SLC3A1: variants seen among roughly 807,000 people sequenced by gnomAD.
The protein encoded by SLC3A1 is amino acid transporter heavy chain SLC3A1.
SLC3A1 carries 78 observed loss-of-function variants against 60.3 expected under a neutral mutation model. The ratio of observed to expected loss-of-function variants is 1.29; its 90% CI spans 1.08 to 1.56. The LOEUF is 1.56. Ranked by LOEUF, SLC3A1 falls within the 40% of genes most tolerant of loss-of-function variation. The pLI is 0.00. For missense variants in SLC3A1, 1,172 were observed against 858.9 expected, an observed-to-expected ratio of 1.36 and a Z score of -4.56; for synonymous variants, 392 against 307.9, an observed-to-expected ratio of 1.27 and a Z score of -2.86.
In SLC3A1 at chr2:44,320,599, G is replaced by T. The variant is rs1453622040; in HGVS notation, c.2018G>T (p.Cys673Phe). The T allele has an allele frequency of 6.2e-7, 1 of 1,613,870 alleles. No individual in the cohort carries two copies. Among genetic ancestry groups the T allele is most frequent in the African/African-American group, 1.3e-5 (1 of 74,896 alleles). ...AGATGCTTTGTTTCCAATCGAGCAT[G>T]CTATTCCAGTGTACTGAACATACTG... is the stretch of plus-strand genomic sequence containing the variant. The part of the protein sequence containing the change: ...RDRCFVSNRA[C>F]YSSVLNILYT... The change falls in exon 10 of 10, where the codon TGC (cysteine) becomes TTC (phenylalanine). Residue 673 changes from cysteine (C) to phenylalanine (F), a missense_variant. By Grantham distance (205) the Cys-to-Phe change is radical. Coordinates refer to ENST00000260649, the MANE Select transcript of SLC3A1 (RefSeq NM_000341.4).
chr2:44,299,871 C>T, intron 4 of SLC3A1, 100 bp from the exon 5 acceptor site: 1 of 1,185,666 alleles, frequency 8.4e-7, no homozygotes, highest in Admixed American at 1.7e-5. Context: ...ATGTAGATAT[C>T]TGTTTTATGA....
chr2:44,280,355 C>T (rs1461148335), intron 1 of SLC3A1, among the ~76,000 whole-genome samples: 2 of 152,110 alleles, frequency 1.3e-5, no homozygotes, highest in African/African-American at 2.4e-5. Flanking sequence ...TCTCCTGCCT[C>T]AGCCTCCCAG....
chr2:44,289,941 A>AT (rs145316592), intron 4 of SLC3A1, among the ~76,000 whole-genome samples: 8,814 of 151,910 alleles, frequency 0.058, 330 homozygotes, highest in South Asian at 0.16. Context: ...CAATTTATTT[A>AT]TTTTTTTCTT....
intron 7 of SLC3A1, among the ~76,000 whole-genome samples, chr2:44,309,077 A>T (rs1057001341): frequency 3.3e-5 from 5 of 152,320 alleles, no homozygotes; most frequent in Admixed American, 2.0e-4. Flanking sequence ...ATATACATAA[A>T]ACAATTTTAA....
chr2:44,295,907 AC>A, intron 4 of SLC3A1, among the ~76,000 whole-genome samples: 1 of 152,208 alleles, frequency 6.6e-6, no homozygotes, highest in Non-Finnish European at 1.5e-5. Context: ...CTGGGTGTGG[AC>A]CCAGGTTGCG....
chr2:44,282,107 G>A (rs1051382860), intron 3 of SLC3A1, among the ~76,000 whole-genome samples: 1 of 151,984 alleles, frequency 6.6e-6, no homozygotes, highest in Non-Finnish European at 1.5e-5. Context: ...CCTGACCTCA[G>A]GTGATCCACC....
intron 1 of SLC3A1, 116 bp downstream of exon 1, chr2:44,276,081 T>A: frequency 2.2e-6 from 2 of 895,814 alleles, no homozygotes; most frequent in Admixed American, 1.9e-5. Flanking sequence ...CCATTATGAC[T>A]GGTCATGCCA....
chr2:44,281,857 T>C (rs1248698575), intron 3 of SLC3A1, among the ~76,000 whole-genome samples: 1 of 152,156 alleles, frequency 6.6e-6, no homozygotes, highest in Non-Finnish European at 1.5e-5. Flanking sequence ...TAACCATTTT[T>C]CTACTATCCA....
chr2:44,304,036 T>C, intron 6 of SLC3A1, 107 bp from the exon 7 acceptor site: 1 of 845,124 alleles, frequency 1.2e-6, no homozygotes. Context: ...TGGTTAATAG[T>C]GTGCATTCAG....
At chr2:44,317,293 T>A (rs1001877027) in intron 9 of SLC3A1, among the ~76,000 whole-genome samples, 2 of 152,028 alleles carry the variant, frequency 1.3e-5, no homozygotes, top group African/African-American at 4.8e-5. Flanking sequence ...TAAGACCCTA[T>A]CTATCTCTTA....
chr2:44,308,732 A>T (rs913178338), intron 7 of SLC3A1, among the ~76,000 whole-genome samples: 7 of 147,172 alleles, frequency 4.8e-5, no homozygotes, highest in African/African-American at 1.7e-4. Flanking sequence ...TTCCTGAAGA[A>T]TTTTTTTTTT....
rs756345138 is a variant in SLC3A1, at chr2:44,304,183, A to G, written c.1177A>G (p.Thr393Ala). Residue 393 changes from threonine to alanine, a missense_variant, in exon 7 of 10, where the codon ACC (threonine) becomes GCC (alanine). Thr to Ala is a moderately conservative substitution (Grantham distance 58). Transcript: ENST00000260649. Reference sequence around the variant, plus strand: ...AGCCTATGCAGAGAGTATTGACAGGACCGTGATGTACTATGGATTGCCATT... The same window carrying G: ...AGCCTATGCAGAGAGTATTGACAGGGCCGTGATGTACTATGGATTGCCATT... ...TEAYAESIDR[T>A]VMYYGLPFIQ... 4 of 1,614,122 alleles carry G rather than the reference A, an allele frequency of 2.5e-6. No individual in the cohort carries two copies. The South Asian group carries it at 4.4e-5, about 18-fold the overall frequency.
chr2:44,316,773 C>T (rs1042672224), intron 9 of SLC3A1, among the ~76,000 whole-genome samples: 6 of 152,100 alleles, frequency 3.9e-5, no homozygotes, highest in Non-Finnish European at 8.8e-5. Context: ...GTAATGGAAA[C>T]GGAATTCTGT....
At chr2:44,310,037 G>C (rs970378930) in intron 7 of SLC3A1, among the ~76,000 whole-genome samples, 5 of 152,152 alleles carry the variant, frequency 3.3e-5, no homozygotes, top group Non-Finnish European at 5.9e-5. Context: ...GGGACTATAG[G>C]TGCATACCAC....
intron 1 of SLC3A1, among the ~76,000 whole-genome samples, chr2:44,278,651 C>T (rs959027528): frequency 6.6e-6 from 1 of 152,080 alleles, no homozygotes; most frequent in Middle Eastern, 3.2e-3. Context: ...GAATTCTAGA[C>T]TCAAGTTGCT....
downstream of SLC3A1, among the ~76,000 whole-genome samples, chr2:44,322,402 C>A (rs1367725095): frequency 6.6e-6 from 1 of 151,978 alleles, no homozygotes. Context: ...TTAGAGATTC[C>A]CAAGAATAAC....
rs1441656316 is a variant in SLC3A1 at position 44,304,292 on chromosome 2, C to T, written c.1286C>T (p.Thr429Ile). Reference sequence around the variant, plus strand: ...GGGAACAGCGTGTATGAGGTTATCACATCCTGGATGGAAAACATGCCAGAA... The same window carrying T: ...GGGAACAGCGTGTATGAGGTTATCATATCCTGGATGGAAAACATGCCAGAA... Reference protein sequence around the residue: ...VSGNSVYEVITSWMENMPEGK... With the variant: ...VSGNSVYEVIISWMENMPEGK... The change falls in exon 7 of 10, where the codon ACA (threonine) becomes ATA (isoleucine). Residue 429 changes from threonine to isoleucine, a missense_variant. Physicochemically the swap from Thr to Ile is moderately conservative, Grantham distance 89. Transcript: ENST00000260649. The T allele has an allele frequency of 1.2e-6, 2 of 1,614,082 alleles. No homozygotes were observed. The highest frequency in any genetic ancestry group is 2.2e-5 in the East Asian group (1 of 44,900).
Position 44,304,713 on chromosome 2 carries a change from C to T in SLC3A1, c.1332+375C>T, listed in dbSNP as rs139807094. ...AGGGCAACATAAAACTGTGACAAAACACCAATTTGTGGGGCAGGATGCACT... is the reference window on the plus strand; with the variant it reads ...AGGGCAACATAAAACTGTGACAAAATACCAATTTGTGGGGCAGGATGCACT... On this transcript the variant is annotated intron_variant, in intron 7 of 9. Transcript: ENST00000260649. 2.4e-3 allele frequency among the ~76,000 whole-genome samples: 357 copies of T among 151,906 alleles called. 1 individual carries two copies. Among genetic ancestry groups the T allele is most frequent in the Non-Finnish European group, 3.9e-3 (262 of 67,976 alleles).
chr2:44,305,338 C>T (rs1357389209), intron 7 of SLC3A1, among the ~76,000 whole-genome samples: 1 of 152,012 alleles, frequency 6.6e-6, no homozygotes, highest in Non-Finnish European at 1.5e-5. Flanking sequence ...TAGATGTAAG[C>T]CCTGCTGCTT....
Sources: allele counts gnomAD v4.1 joint callset (sites outside exome capture counted in the v4.1 genomes callset), GRCh38; gene constraint gnomAD v4.1.1; transcripts MANE v1.5; gene names NCBI Gene and HGNC (gene_info 2026-07-23, HGNC 2026-07-21).